Variants in UBE2QL1 observed in about 807,000 individuals in gnomAD.
The protein encoded by UBE2QL1 is ubiquitin conjugating enzyme E2 QL1.
Under a neutral mutation model 12.6 loss-of-function variants are expected in UBE2QL1, and 5 were observed. The observed-to-expected ratio is 0.40, with a 90% CI of 0.21 to 0.83. UBE2QL1 has a LOEUF of 0.83. UBE2QL1 is among the 40% of genes least tolerant of loss of function. UBE2QL1 has a pLI of 0.37. For missense variants in UBE2QL1, 99 were observed against 222.6 expected, an observed-to-expected ratio of 0.44 and a Z score of 3.53; for synonymous variants, 96 against 94.5, an observed-to-expected ratio of 1.02 and a Z score of -0.10.
At chr5:6,483,332 G>A (rs1308560237) in intron 1 of UBE2QL1, among the ~76,000 whole-genome samples, 4 of 152,152 alleles carry the variant, frequency 2.6e-5, no homozygotes, top group Non-Finnish European at 5.9e-5. Flanking sequence ...CCAGCTACTT[G>A]GGAGGCTGAA....
In UBE2QL1 at chr5:6,496,459, C is replaced by T. The variant is rs1253257972; in HGVS notation, c.*5110C>T. ...AGTGCTAGGATGCTGATCTGTACAC[C>T]ATGAGTGACTGCGAACTTTCAGACT... On this transcript the variant is annotated 3_prime_UTR_variant, in exon 2 of 2. Transcript: ENST00000399816. 6.6e-6 allele frequency among the ~76,000 whole-genome samples: 1 copy of T among 152,126 alleles called. No homozygotes were observed. Among genetic ancestry groups the T allele is most frequent in the African/African-American group, 2.4e-5 (1 of 41,426 alleles).
At chr5:6,465,136 G>A (rs568032428) in intron 1 of UBE2QL1, among the ~76,000 whole-genome samples, 24 of 151,886 alleles carry the variant, frequency 1.6e-4, no homozygotes, top group Admixed American at 6.6e-4. Flanking sequence ...ACAGGTGTGC[G>A]CCACCATGCA....
At chr5:6,485,065 TACATGTGTATAAGTACCCACAA>T (rs1734437488) in intron 1 of UBE2QL1, among the ~76,000 whole-genome samples, 1 of 152,052 alleles carries the variant, frequency 6.6e-6, no homozygotes, top group Admixed American at 6.5e-5. Context: ...TGTGACACGA[TACATGTGTATAAGTACCCACAA>T]ACACACAAAT....
At chr5:6,474,486 A>G (rs998200876) in intron 1 of UBE2QL1, among the ~76,000 whole-genome samples, 6 of 152,190 alleles carry the variant, frequency 3.9e-5, no homozygotes, top group South Asian at 2.1e-4. Flanking sequence ...TCCTGCCTCT[A>G]CTTCCACAGA....
intron 1 of UBE2QL1, among the ~76,000 whole-genome samples, chr5:6,454,865 T>C (rs1739486456): frequency 6.6e-6 from 1 of 151,980 alleles, no homozygotes; most frequent in Non-Finnish European, 1.5e-5. Context: ...CACCGATGAC[T>C]GTGCAGCTTG....
At chr5:6,472,043 G>A (rs1477239246) in intron 1 of UBE2QL1, among the ~76,000 whole-genome samples, 1 of 152,156 alleles carries the variant, frequency 6.6e-6, no homozygotes, top group Non-Finnish European at 1.5e-5. Context: ...GGTGTGTCAT[G>A]TCATTCCGTG....
chr5:6,455,871 G>A (rs75064113), intron 1 of UBE2QL1, among the ~76,000 whole-genome samples: 19,110 of 151,976 alleles, frequency 0.13, 1,529 homozygotes, highest in Non-Finnish European at 0.18. Flanking sequence ...CTGACTCAGC[G>A]CCTTCAAAGC....
Position 6,479,429 on chromosome 5 carries a change from G to A in UBE2QL1, c.355-11789G>A, listed in dbSNP as rs896255823. On this transcript the variant is annotated intron_variant, in intron 1 of 1. Coordinates refer to ENST00000399816, the MANE Select transcript of UBE2QL1 (RefSeq NM_001145161.3). This position sits in a 1 kb window ranked among gnomAD's most constrained non-coding sequence, Gnocchi z 4.2. Reference sequence around the variant, plus strand: ...GCAGACAGAGCTGACTTCAACTTAGGGGCGACTTCAGTAAGAAAGTGGGGG... The same window carrying A: ...GCAGACAGAGCTGACTTCAACTTAGAGGCGACTTCAGTAAGAAAGTGGGGG... 3.9e-5 allele frequency among the ~76,000 whole-genome samples: 6 copies of A among 152,112 alleles called. No individual in the cohort carries two copies. The highest frequency in any genetic ancestry group is 8.8e-5 in the Non-Finnish European group (6 of 68,024).
intron 1 of UBE2QL1, among the ~76,000 whole-genome samples, chr5:6,462,647 C>T (rs1442926135): frequency 1.3e-5 from 2 of 152,146 alleles, no homozygotes; most frequent in South Asian, 2.1e-4. Context: ...CTTGACAGAA[C>T]GACCTATTGG....
intron 1 of UBE2QL1, among the ~76,000 whole-genome samples, chr5:6,489,454 T>TA (rs1465780746): frequency 2.0e-5 from 3 of 151,172 alleles, no homozygotes; most frequent in Non-Finnish European, 2.9e-5. Context: ...AAAAATTTTT[T>TA]AAAAAAGGAA....
intron 1 of UBE2QL1, among the ~76,000 whole-genome samples, chr5:6,449,514 C>A (rs113818681): frequency 3.6e-4 from 54 of 149,248 alleles, no homozygotes; most frequent in African/African-American, 1.3e-3. Flanking sequence ...TCGGTCTCTG[C>A]CGTCTCTCTG....
rs575293276 is a variant in UBE2QL1 at position 6,468,505 on chromosome 5, G to A, written c.354+19258G>A. 5.9e-5 allele frequency among the ~76,000 whole-genome samples: 9 copies of A among 152,306 alleles called. No individual in the cohort carries two copies. In the South Asian group the frequency reaches 6.2e-4, roughly 11 times the overall value. On this transcript the variant is annotated intron_variant, in intron 1 of 1. Transcript: ENST00000399816. Reference sequence around the variant, plus strand: ...TGGTGGATCCTTATTTCAAACAGCCGCCTGGAGCATCAGTGAAACTTGAAG... The same window carrying A: ...TGGTGGATCCTTATTTCAAACAGCCACCTGGAGCATCAGTGAAACTTGAAG...
In UBE2QL1 at chr5:6,494,328, AAT is replaced by A. The variant is rs1165641492; in HGVS notation, c.*2981_*2982del. ...AGTTACACACACACGCACATGTGCC[AAT>A]ACTCCTGCAAAGACTTGCTGTTTCT... On this transcript the variant is annotated 3_prime_UTR_variant, in exon 2 of 2. Transcript: ENST00000399816. 6 of 152,226 alleles carry A rather than the reference AAT, an allele frequency of 3.9e-5. No individual in the cohort carries two copies. In the East Asian group the frequency reaches 9.6e-4, roughly 24 times the overall value. The allele number at this position is 152,226 out of a possible 1,614,324, so 9.4% of individuals were successfully genotyped here.
chr5:6,489,778 C>T (rs569749544), intron 1 of UBE2QL1, among the ~76,000 whole-genome samples: 25 of 152,326 alleles, frequency 1.6e-4, no homozygotes, highest in African/African-American at 6.0e-4. Flanking sequence ...ATCGTGCTTG[C>T]TGGTGGCCAC....
rs559401490 is a variant in UBE2QL1 at position 6,478,813 on chromosome 5, G to A, written c.355-12405G>A. Among the ~76,000 whole-genome samples, 4 of 152,278 alleles carry A rather than the reference G, an allele frequency of 2.6e-5. No homozygotes were observed. The highest frequency in any genetic ancestry group is 2.1e-4 in the South Asian group (1 of 4,820). On this transcript the variant is annotated intron_variant, in intron 1 of 1. Transcript: ENST00000399816. The surrounding 1 kb of genome is among the most constrained non-coding windows in gnomAD (Gnocchi z 4.5). ...TGCAGGTGGATGATCTCCTGCGCAC[G>A]TGGGAGAGTGATCCTAGGACGTGCA...
chr5:6,483,800 T>C (rs1163531910), intron 1 of UBE2QL1, among the ~76,000 whole-genome samples: 1 of 152,224 alleles, frequency 6.6e-6, no homozygotes, highest in Non-Finnish European at 1.5e-5. Context: ...GGCTGATCCC[T>C]GTGTGGCTGG....
intron 1 of UBE2QL1, among the ~76,000 whole-genome samples, chr5:6,486,536 A>G (rs762952974): frequency 7.2e-5 from 11 of 151,870 alleles, no homozygotes; most frequent in Non-Finnish European, 1.5e-4. Flanking sequence ...CACTGCCACC[A>G]CCCCTCTTCT....
chr5:6,495,929 A>G lies in UBE2QL1; in HGVS notation c.*4580A>G, dbSNP rs1367405378. 6.6e-6 allele frequency among the ~76,000 whole-genome samples: 1 copy of G among 152,204 alleles called. No individual in the cohort carries two copies. Among genetic ancestry groups the G allele is most frequent in the Non-Finnish European group, 1.5e-5 (1 of 68,038 alleles). On this transcript the variant is annotated 3_prime_UTR_variant, in exon 2 of 2. Transcript: ENST00000399816. Reference sequence around the variant, plus strand: ...CCACAGAATGTGGTCAATAATCTGGAAAGGCAAACAAACTCTGTTGACATT... The same window carrying G: ...CCACAGAATGTGGTCAATAATCTGGGAAGGCAAACAAACTCTGTTGACATT...
chr5:6,471,906 T>C (rs1184696725), intron 1 of UBE2QL1, among the ~76,000 whole-genome samples: 1 of 152,222 alleles, frequency 6.6e-6, no homozygotes, highest in Non-Finnish European at 1.5e-5. Context: ...ACATTTGTAT[T>C]GTGACTTTCA....
Sources: gnomAD v4.1 joint callset for allele counts (sites outside exome capture counted in the v4.1 genomes callset) on GRCh38, gnomAD v4.1.1 for gene constraint, Gnocchi (gnomAD v3.1) non-coding constraint, MANE v1.5 for transcripts, NCBI Gene and HGNC (gene_info 2026-07-23, HGNC 2026-07-21) for gene names.